The following KCTD16 variants were observed in gnomAD, a reference collection of about 807,000 sequenced individuals.
KCTD16 encodes potassium channel tetramerization domain containing 16.
Under a neutral mutation model 33.2 loss-of-function variants are expected in KCTD16, and 13 were observed. The ratio of observed to expected loss-of-function variants is 0.39; its 90% CI spans 0.25 to 0.62. The LOEUF (loss-of-function observed/expected upper bound fraction) is 0.62. Ranked by LOEUF, KCTD16 falls within the 20% of genes least tolerant of loss-of-function variation. The pLI is 0.50. For missense variants in KCTD16, 441 were observed against 525.1 expected, an observed-to-expected ratio of 0.84 and a Z score of 1.57; for synonymous variants, 197 against 195.3, an observed-to-expected ratio of 1.01 and a Z score of -0.07.
At chr5:144,298,903 A>G (rs373012013) in intron 3 of KCTD16, among the ~76,000 whole-genome samples, 2 of 150,464 alleles carry the variant, frequency 1.3e-5, no homozygotes, top group South Asian at 2.1e-4. Flanking sequence ...ATTATTATGT[A>G]GATGAATTTA....
intron 3 of KCTD16, among the ~76,000 whole-genome samples, chr5:144,218,759 A>G (rs1269109589): frequency 6.6e-6 from 1 of 152,200 alleles, no homozygotes; most frequent in African/African-American, 2.4e-5. Context: ...TACCTTGCTA[A>G]TCTCATGCAC....
intron 3 of KCTD16, among the ~76,000 whole-genome samples, chr5:144,408,049 A>C (rs1439855376): frequency 6.6e-6 from 1 of 152,150 alleles, no homozygotes; most frequent in East Asian, 1.9e-4. Flanking sequence ...AATCCTTTGG[A>C]TATATACCCA....
In KCTD16 at chr5:144,210,811, A is replaced by G. The variant is rs865960446; in HGVS notation, c.832+3265A>G. 6.6e-5 allele frequency among the ~76,000 whole-genome samples: 10 copies of G among 152,304 alleles called. 1 individual carries two copies. In the Middle Eastern group the frequency reaches 0.024, roughly 363 times the overall value. Reference sequence around the variant, plus strand: ...GGAGAGAATTATGCACATTTCCATAAGCCTACTCATGAGTGAGTTACTTCA... The same window carrying G: ...GGAGAGAATTATGCACATTTCCATAGGCCTACTCATGAGTGAGTTACTTCA... On this transcript the variant is annotated intron_variant, in intron 3 of 3. Coordinates refer to ENST00000512467, the MANE Select transcript of KCTD16 (RefSeq NM_020768.4).
intron 3 of KCTD16, among the ~76,000 whole-genome samples, chr5:144,418,097 G>T (rs188876194): frequency 1.1e-4 from 17 of 152,196 alleles, no homozygotes; most frequent in South Asian, 4.2e-4. Flanking sequence ...GGAGTTGTTC[G>T]TTCCTCCTGG....
chr5:144,176,757 G>A (rs1752520139), intron 2 of KCTD16, among the ~76,000 whole-genome samples: 1 of 152,156 alleles, frequency 6.6e-6, no homozygotes, highest in Non-Finnish European at 1.5e-5. Flanking sequence ...TACTCAACAA[G>A]AGAACAGCTT....
At chr5:144,314,145 A>G (rs1751843209) in intron 3 of KCTD16, among the ~76,000 whole-genome samples, 2 of 152,218 alleles carry the variant, frequency 1.3e-5, no homozygotes, top group South Asian at 4.1e-4. Flanking sequence ...TTCACTTAGA[A>G]CAAAAGAGGC....
intron 3 of KCTD16, among the ~76,000 whole-genome samples, chr5:144,375,569 A>C (rs1257165780): frequency 6.6e-6 from 1 of 152,160 alleles, no homozygotes; most frequent in Non-Finnish European, 1.5e-5. Flanking sequence ...GTGATGCTGG[A>C]AATACCAGAT....
chr5:144,222,576 T>A (rs1431848725), intron 3 of KCTD16, among the ~76,000 whole-genome samples: 1 of 151,754 alleles, frequency 6.6e-6, no homozygotes, highest in Non-Finnish European at 1.5e-5. Context: ...GAAATGCAAA[T>A]CAAAACCACA....
At chr5:144,448,968 G>T (rs1753882614) in intron 3 of KCTD16, among the ~76,000 whole-genome samples, 1 of 151,972 alleles carries the variant, frequency 6.6e-6, no homozygotes, top group South Asian at 2.1e-4. Flanking sequence ...GTGGAAAGAG[G>T]ATCATATAAA....
intron 3 of KCTD16, among the ~76,000 whole-genome samples, chr5:144,268,858 T>C (rs1755219453): frequency 6.6e-6 from 1 of 151,954 alleles, no homozygotes; most frequent in Non-Finnish European, 1.5e-5. Flanking sequence ...AAGAAAACAA[T>C]GTATGAACAA....
chr5:144,348,643 T>C (rs244524), intron 3 of KCTD16, among the ~76,000 whole-genome samples: 38,328 of 152,108 alleles, frequency 0.25, 4,985 homozygotes, highest in Non-Finnish European at 0.28. Context: ...TGGCCAGAGT[T>C]AGTTACAAAG....
chr5:144,252,533 C>T (rs945209282), intron 3 of KCTD16, among the ~76,000 whole-genome samples: 1 of 151,512 alleles, frequency 6.6e-6, no homozygotes, highest in African/African-American at 2.4e-5. Context: ...TAGAAAAACT[C>T]AAAGAGCCAA....
intron 3 of KCTD16, among the ~76,000 whole-genome samples, chr5:144,454,347 T>A (rs1376623555): frequency 6.6e-6 from 1 of 152,200 alleles, no homozygotes; most frequent in African/African-American, 2.4e-5. Flanking sequence ...TTTGCTTTTT[T>A]CACATGGGAA....
rs573984739 is a variant in KCTD16 at position 144,299,312 on chromosome 5, A to G, written c.832+91766A>G. On this transcript the variant is annotated intron_variant, in intron 3 of 3. Coordinates refer to ENST00000512467, the MANE Select transcript of KCTD16 (RefSeq NM_020768.4). The stretch of plus-strand genomic sequence containing the variant: ...AAACAAGTCCACTTGGCTGTACATA[A>G]TAATGATCCATCCTGCTTTGCTGAA... 2.6e-5 allele frequency among the ~76,000 whole-genome samples: 4 copies of G among 151,346 alleles called. No homozygotes were observed. In the South Asian group the frequency reaches 8.4e-4, roughly 32 times the overall value.
At chr5:144,326,065 G>A (rs1752198565) in intron 3 of KCTD16, among the ~76,000 whole-genome samples, 1 of 152,136 alleles carries the variant, frequency 6.6e-6, no homozygotes, top group South Asian at 2.1e-4. Flanking sequence ...TTTTAATTAT[G>A]TAAAATGTAA....
chr5:144,259,257 CAAAAAAAAAAAA>C lies in KCTD16; in HGVS notation c.832+51727_832+51738del, dbSNP rs1166248798. On this transcript the variant is annotated intron_variant, in intron 3 of 3. Coordinates refer to ENST00000512467, the MANE Select transcript of KCTD16 (RefSeq NM_020768.4). The stretch of plus-strand genomic sequence containing the variant: ...TGGATGACAGAGCGAGACTCCATCT[CAAAAAAAAAAAA>C]AAAAAAAAAAAAAAAGGGATGAAGC... Among the ~76,000 whole-genome samples the C allele has an allele frequency of 2.3e-4, 11 of 48,416 alleles. No homozygotes were observed. The South Asian group carries it at 4.8e-3, about 21-fold the overall frequency. The allele number at this position is 48,416 out of a possible 152,430, so 31.8% of individuals were successfully genotyped here. A position where few individuals can be genotyped will look rare whatever the true frequency, so the allele number is the denominator to read the frequency against.
intron 3 of KCTD16, among the ~76,000 whole-genome samples, chr5:144,280,865 T>A (rs1274814930): frequency 6.8e-6 from 1 of 147,260 alleles, no homozygotes; most frequent in African/African-American, 2.5e-5. Context: ...AGGCGGAGGT[T>A]ACAGTGAAAC....
At chr5:144,335,780 T>C (rs558654393) in intron 3 of KCTD16, among the ~76,000 whole-genome samples, 2 of 152,214 alleles carry the variant, frequency 1.3e-5, no homozygotes, top group East Asian at 3.9e-4. Flanking sequence ...GAACAGTCCA[T>C]GGCAGGTGCG....
intron 3 of KCTD16, among the ~76,000 whole-genome samples, chr5:144,231,302 T>TA (rs758599420): frequency 2.0e-5 from 3 of 152,104 alleles, no homozygotes; most frequent in Admixed American, 1.3e-4. Flanking sequence ...TGTATTTGAT[T>TA]AAAAATATAG....
Sources: gnomAD v4.1 joint callset for allele counts (sites outside exome capture counted in the v4.1 genomes callset) on GRCh38, gnomAD v4.1.1 for gene constraint, MANE v1.5 for transcripts, NCBI Gene and HGNC (gene_info 2026-07-23, HGNC 2026-07-21) for gene names.